Variants in DCLK1 observed in about 807,000 individuals in gnomAD.
DCLK1 encodes serine/threonine-protein kinase DCLK1.
DCLK1 carries 16 observed loss-of-function variants against 86.2 expected under a neutral mutation model. The ratio of observed to expected loss-of-function variants is 0.19; its 90% CI spans 0.13 to 0.28. DCLK1 has a LOEUF of 0.28. Among genes scored for constraint, DCLK1 ranks in the 10% least tolerant of loss-of-function variants. The probability of loss-of-function intolerance (pLI) is 1.00; values close to 1 mark genes in which losing one functional copy is unlikely to be tolerated. For missense variants in DCLK1, 590 were observed against 940.2 expected (o/e 0.63, Z 4.87); for synonymous variants, 369 against 370.5 (o/e 1.00, Z 0.05).
rs149816732 is a variant in DCLK1 at position 35,904,232 on chromosome 13, T to C, written c.824-32892A>G. Among the ~76,000 whole-genome samples, 163 of 152,318 alleles carry C rather than the reference T, an allele frequency of 1.1e-3. 2 individuals carry two copies. Among genetic ancestry groups the C allele is most frequent in the African/African-American group, 3.5e-3 (146 of 41,562 alleles). On this transcript the variant is annotated intron_variant, in intron 4 of 16. Transcript: ENST00000360631. ...TTTTAATAGAAAAACTTTTTTGTTT[T>C]TGAGACAGAGTCTGACTTTGTTGCC...
intron 3 of DCLK1, among the ~76,000 whole-genome samples, chr13:35,971,832 G>A (rs947961731): frequency 2.6e-5 from 4 of 151,662 alleles, no homozygotes; most frequent in African/African-American, 7.3e-5. Context: ...AGCTGCTAAC[G>A]CACCTCTGGG....
intron 4 of DCLK1, among the ~76,000 whole-genome samples, chr13:35,904,821 G>A (rs1453240495): frequency 6.6e-6 from 1 of 152,196 alleles, no homozygotes; most frequent in Non-Finnish European, 1.5e-5. Context: ...CTGCAAAATT[G>A]CAAAGGGGCA....
In DCLK1 at chr13:35,808,866, A is replaced by G. The variant is rs1296133539; in HGVS notation, c.1766+152T>C. 1.9e-5 allele frequency: 10 copies of G among 526,096 alleles called. No individual in the cohort carries two copies. The Admixed American group carries it at 2.8e-4, about 14-fold the overall frequency. 32.6% of individuals were successfully genotyped at this position (526,096 alleles called of 1,614,324 possible). A position where few individuals can be genotyped will look rare whatever the true frequency, so the allele number is the denominator to read the frequency against. On this transcript the variant is annotated intron_variant, in intron 13 of 16. Transcript: ENST00000360631. ...ATGGAAGGCATATAAATTAGCATGCATGACATAACAGGGAAAAAATAACAG... is the reference window on the plus strand; with the variant it reads ...ATGGAAGGCATATAAATTAGCATGCGTGACATAACAGGGAAAAAATAACAG...
At chr13:35,810,675 C>G (rs553179125) in intron 12 of DCLK1, among the ~76,000 whole-genome samples, 160 bp downstream of exon 12, 1 of 152,150 alleles carries the variant, frequency 6.6e-6, no homozygotes, top group Non-Finnish European at 1.5e-5. Flanking sequence ...AAATGGCTCC[C>G]ACTGTAAATG....
intron 2 of DCLK1, among the ~76,000 whole-genome samples, chr13:36,116,516 C>A (rs907014614): frequency 1.3e-5 from 2 of 152,078 alleles, no homozygotes; most frequent in African/African-American, 4.8e-5. Flanking sequence ...GGGGATTCTA[C>A]AAATTTGCCT....
intron 3 of DCLK1, among the ~76,000 whole-genome samples, chr13:36,075,005 G>A (rs563458151): frequency 6.6e-6 from 1 of 152,314 alleles, no homozygotes; most frequent in Admixed American, 6.5e-5. Flanking sequence ...CCAGTGAAGT[G>A]GTACAAATAT....
At chr13:36,114,512 G>A (rs1753780249) in intron 2 of DCLK1, among the ~76,000 whole-genome samples, 2 of 152,228 alleles carry the variant, frequency 1.3e-5, no homozygotes, top group African/African-American at 4.8e-5. Flanking sequence ...CAGTCATTTA[G>A]AGTCTGTGAC....
chr13:36,045,338 A>ATATATATATATATATATG (rs1882856520), intron 3 of DCLK1, among the ~76,000 whole-genome samples: 1 of 78,582 alleles, frequency 1.3e-5, no homozygotes, highest in East Asian at 4.4e-4. Flanking sequence ...GTGTGTATAT[A>ATATATATATATATATATG]TATATATATA....
chr13:35,927,677 T>C (rs1355583712), intron 4 of DCLK1, among the ~76,000 whole-genome samples: 1 of 152,208 alleles, frequency 6.6e-6, no homozygotes, highest in Non-Finnish European at 1.5e-5. Flanking sequence ...TAACACTATG[T>C]TGGGTCCTTT....
At chr13:35,816,414 A>G (rs2087267591) in intron 11 of DCLK1, among the ~76,000 whole-genome samples, 1 of 152,120 alleles carries the variant, frequency 6.6e-6, no homozygotes, top group South Asian at 2.1e-4. Context: ...ATATCTATAC[A>G]ATTACTCTCA....
At chr13:36,008,217 T>A (rs1163036577) in intron 3 of DCLK1, among the ~76,000 whole-genome samples, 4 of 39,512 alleles carry the variant, frequency 1.0e-4, no homozygotes, top group Non-Finnish European at 2.1e-4. Context: ...TTATTATTAT[T>A]ATTATTATTA....
At chr13:35,951,049 T>C (rs1400966385) in intron 3 of DCLK1, among the ~76,000 whole-genome samples, 2 of 151,958 alleles carry the variant, frequency 1.3e-5, no homozygotes, top group Non-Finnish European at 2.9e-5. Context: ...TACTCTTCCT[T>C]CACAAATTTT....
rs61570798 is a variant in DCLK1 at position 36,005,275 on chromosome 13, G to A, written c.724-57818C>T. Among the ~76,000 whole-genome samples, 1,106 of 152,216 alleles carry A rather than the reference G, an allele frequency of 7.3e-3. 8 individuals are homozygous for A. The highest frequency in any genetic ancestry group is 0.025 in the African/African-American group (1,054 of 41,520). Reference sequence around the variant, plus strand: ...GAGTATTTGGAAAGGGTAGCTGAATGTTTCTAATAAAAGGTATCTATTCTG... The same window carrying A: ...GAGTATTTGGAAAGGGTAGCTGAATATTTCTAATAAAAGGTATCTATTCTG... On this transcript the variant is annotated intron_variant, in intron 3 of 16. Transcript: ENST00000360631.
intron 4 of DCLK1, among the ~76,000 whole-genome samples, chr13:35,904,806 G>A (rs1045077134): frequency 1.3e-5 from 2 of 152,298 alleles, no homozygotes; most frequent in East Asian, 1.9e-4. Context: ...ACAGTAGGCA[G>A]CAATCTGCAA....
intron 3 of DCLK1, among the ~76,000 whole-genome samples, chr13:36,038,979 G>A (rs1165739274): frequency 6.6e-6 from 1 of 152,138 alleles, no homozygotes; most frequent in Non-Finnish European, 1.5e-5. Context: ...ATGATTCACA[G>A]CACCATGTCC....
chr13:36,108,750 A>C (rs949983702), intron 3 of DCLK1, among the ~76,000 whole-genome samples: 3 of 152,340 alleles, frequency 2.0e-5, no homozygotes, highest in Non-Finnish European at 1.5e-5. Flanking sequence ...TTTACTGGGC[A>C]CTGGAATTCC....
intron 2 of DCLK1, among the ~76,000 whole-genome samples, chr13:36,124,871 CT>C (rs1244218359): frequency 6.6e-6 from 1 of 152,020 alleles, no homozygotes; most frequent in East Asian, 1.9e-4. Flanking sequence ...GATCTGCTAG[CT>C]TTTTTTGCAC....
At chr13:36,002,504 A>G (rs1056094362) in intron 3 of DCLK1, among the ~76,000 whole-genome samples, 2 of 152,244 alleles carry the variant, frequency 1.3e-5, no homozygotes, top group Admixed American at 6.5e-5. Context: ...AAAGTTATTG[A>G]AATGCTAATG....
intron 7 of DCLK1, among the ~76,000 whole-genome samples, chr13:35,836,346 A>G (rs1030825742): frequency 1.3e-5 from 2 of 152,230 alleles, no homozygotes; most frequent in African/African-American, 4.8e-5. Flanking sequence ...TAAAATAAAA[A>G]GAAACGTAAG....
Sources: allele counts gnomAD v4.1 joint callset (sites outside exome capture counted in the v4.1 genomes callset), GRCh38; gene constraint gnomAD v4.1.1; transcripts MANE v1.5; gene names NCBI Gene and HGNC (gene_info 2026-07-23, HGNC 2026-07-21).